HERC3: variants seen among roughly 807,000 people sequenced by gnomAD.
HERC3 encodes the protein HECT and RLD domain containing E3 ubiquitin protein ligase 3, also known as probable E3 ubiquitin-protein ligase HERC3.
In HERC3, 58 loss-of-function variants were observed where a neutral mutation model predicts 129.9. The ratio of observed to expected loss-of-function variants is 0.45; its 90% CI spans 0.36 to 0.56. HERC3 has a LOEUF of 0.56. Ranked by LOEUF, HERC3 falls within the 20% of genes least tolerant of loss-of-function variation. The pLI is 0.00. For missense variants in HERC3, 835 were observed against 1,244.2 expected, an observed-to-expected ratio of 0.67 and a Z score of 4.95; for synonymous variants, 430 against 451.0, an observed-to-expected ratio of 0.95 and a Z score of 0.59.
intron 21 of HERC3, 116 bp downstream of exon 21, chr4:88,681,441 A>G: frequency 4.8e-6 from 4 of 840,642 alleles, no homozygotes; most frequent in Non-Finnish European, 7.4e-6. Flanking sequence ...CTGTGGTTAG[A>G]CCCTGTTATG....
intron 7 of HERC3, among the ~76,000 whole-genome samples, chr4:88,654,757 C>A (rs1729703899): frequency 6.6e-6 from 1 of 151,868 alleles, no homozygotes; most frequent in South Asian, 2.1e-4. Context: ...AATGCCTTAA[C>A]ATTTATTTAA....
the HERC3 span, among the ~76,000 whole-genome samples, chr4:88,582,103 A>C: frequency 6.6e-6 from 1 of 152,222 alleles, no homozygotes; most frequent in East Asian, 1.9e-4. Flanking sequence ...TGGATGCTTC[A>C]AAGGCTGACC....
chr4:88,530,154 G>T, the HERC3 span, among the ~76,000 whole-genome samples: 2 of 152,070 alleles, frequency 1.3e-5, no homozygotes, highest in Non-Finnish European at 2.9e-5. Flanking sequence ...ACCTTGGTGT[G>T]GTGGCAGTGC....
chr4:88,662,201 C>T (rs1329365160), intron 10 of HERC3, among the ~76,000 whole-genome samples: 1 of 152,164 alleles, frequency 6.6e-6, no homozygotes, highest in Non-Finnish European at 1.5e-5. Context: ...ATGCCTCTAC[C>T]TGCCATTGGA....
chr4:88,700,365 C>T (rs1383253553), intron 23 of HERC3, among the ~76,000 whole-genome samples: 1 of 152,034 alleles, frequency 6.6e-6, no homozygotes, highest in Non-Finnish European at 1.5e-5. Flanking sequence ...AAGAAGCTGC[C>T]ACACTGTTTC....
chr4:88,540,588 A>T, the HERC3 span, among the ~76,000 whole-genome samples: 1 of 152,210 alleles, frequency 6.6e-6, no homozygotes, highest in African/African-American at 2.4e-5. Flanking sequence ...TTCAGAAAAT[A>T]CAGAGAACAC....
At chr4:88,579,766 T>C in the HERC3 span, among the ~76,000 whole-genome samples, 1 of 152,130 alleles carries the variant, frequency 6.6e-6, no homozygotes, top group Admixed American at 6.6e-5. Context: ...TGATTAAAGA[T>C]GTTGAGATAA....
At chr4:88,573,047 C>G in the HERC3 span, among the ~76,000 whole-genome samples, 1 of 152,148 alleles carries the variant, frequency 6.6e-6, no homozygotes, top group Admixed American at 6.5e-5. Context: ...AAAGTATTCA[C>G]TGGATTTTAA....
intron 1 of HERC3, among the ~76,000 whole-genome samples, chr4:88,593,984 GTACCGCCT>G (rs1560650440): frequency 6.6e-6 from 1 of 152,158 alleles, no homozygotes; most frequent in Non-Finnish European, 1.5e-5. Context: ...CATCATGGTC[GTACCGCCT>G]TCGAGGCTAG....
At chr4:88,586,077 C>CCT in the HERC3 span, among the ~76,000 whole-genome samples, 3 of 152,274 alleles carry the variant, frequency 2.0e-5, no homozygotes, top group South Asian at 2.1e-4. Context: ...ATTTACTTTA[C>CCT]TGATATAATC....
At chr4:88,528,522 A>T in the HERC3 span, among the ~76,000 whole-genome samples, 1 of 152,240 alleles carries the variant, frequency 6.6e-6, no homozygotes, top group African/African-American at 2.4e-5. Context: ...TCCCATTGTC[A>T]AATTAGTCTC....
the HERC3 span, among the ~76,000 whole-genome samples, chr4:88,576,935 A>C: frequency 2.0e-5 from 3 of 152,132 alleles, no homozygotes; most frequent in African/African-American, 4.8e-5. Flanking sequence ...TTATTTCTCA[A>C]ATTTATCTGG....
chr4:88,557,767 A>G, the HERC3 span, among the ~76,000 whole-genome samples: 1 of 152,274 alleles, frequency 6.6e-6, no homozygotes, highest in Admixed American at 6.5e-5. Flanking sequence ...TAAAGAACTA[A>G]AAGTGGATGC....
chr4:88,632,037 C>A (rs1204752529), intron 3 of HERC3, among the ~76,000 whole-genome samples: 2 of 152,178 alleles, frequency 1.3e-5, no homozygotes, highest in Non-Finnish European at 2.9e-5. Flanking sequence ...TATCATCCTG[C>A]CATTTGGCCC....
chr4:88,654,641 T>C (rs1443937131), intron 7 of HERC3, among the ~76,000 whole-genome samples: 1 of 151,354 alleles, frequency 6.6e-6, no homozygotes, highest in Non-Finnish European at 1.5e-5. Flanking sequence ...GCAATTTAAT[T>C]AATGTTTTAA....
At chr4:88,624,456 C>T (rs182188547) in intron 3 of HERC3, among the ~76,000 whole-genome samples, 143 of 152,316 alleles carry the variant, frequency 9.4e-4, no homozygotes, top group African/African-American at 3.3e-3. Context: ...TTAATATACA[C>T]TTCCTTAATG....
intron 12 of HERC3, among the ~76,000 whole-genome samples, chr4:88,665,898 G>T (rs901999643): frequency 2.6e-5 from 4 of 152,164 alleles, no homozygotes; most frequent in Non-Finnish European, 4.4e-5. Context: ...TTCCAGAACA[G>T]GGGTTCTCAA....
intron 16 of HERC3, among the ~76,000 whole-genome samples, chr4:88,674,377 T>C (rs973659461): frequency 3.4e-4 from 51 of 152,228 alleles, no homozygotes; most frequent in African/African-American, 1.2e-3. Flanking sequence ...AAATACTAAG[T>C]AGGCTCGGAC....
chr4:88,629,797 C>T (rs963639303), intron 3 of HERC3, among the ~76,000 whole-genome samples: 8 of 152,110 alleles, frequency 5.3e-5, no homozygotes, highest in Admixed American at 1.3e-4. Context: ...ATATTTATTA[C>T]CAACAGTTTA....
Sources: allele counts gnomAD v4.1 joint callset (sites outside exome capture counted in the v4.1 genomes callset), GRCh38; gene constraint gnomAD v4.1.1; transcripts MANE v1.5; gene names NCBI Gene and HGNC (gene_info 2026-07-23, HGNC 2026-07-21).